Variants in EPAS1 observed in about 807,000 individuals in gnomAD.
The protein encoded by EPAS1 is endothelial PAS domain-containing protein 1.
In EPAS1, 23 loss-of-function variants were observed where a neutral mutation model predicts 87.9. That is an observed-to-expected ratio of 0.26 (90% CI 0.19 to 0.37). EPAS1 has a LOEUF of 0.37. Ranked by LOEUF, EPAS1 falls within the 10% of genes least tolerant of loss-of-function variation. The pLI, the probability that EPAS1 is intolerant of heterozygous loss-of-function variation, is 1.00. For missense variants in EPAS1, 1,138 were observed against 1,120.7 expected (o/e 1.02, Z -0.22); for synonymous variants, 508 against 444.3 (o/e 1.14, Z -1.80).
At chr2:46,374,941 G>A (rs1426667825) in intron 7 of EPAS1, among the ~76,000 whole-genome samples, 1 of 152,108 alleles carries the variant, frequency 6.6e-6, no homozygotes, top group Non-Finnish European at 1.5e-5. Flanking sequence ...GTTGGGAGAA[G>A]GAGTATAAGT....
intron 1 of EPAS1, among the ~76,000 whole-genome samples, chr2:46,324,626 G>A (rs575787276): frequency 3.9e-5 from 6 of 152,214 alleles, no homozygotes; most frequent in Admixed American, 3.9e-4. Flanking sequence ...CTGGGGCAAG[G>A]CTGTGGCAGC....
intron 1 of EPAS1, among the ~76,000 whole-genome samples, chr2:46,329,840 A>AACAC (rs1295977789): frequency 6.6e-6 from 1 of 152,138 alleles, no homozygotes; most frequent in East Asian, 1.9e-4. Flanking sequence ...AGACAAACAA[A>AACAC]ACACACACAC....
Position 46,380,647 on chromosome 2 carries a change from A to C in EPAS1, c.1975A>C (p.Thr659Pro). The C allele has an allele frequency of 3.1e-6, 5 of 1,614,064 alleles. No individual in the cohort carries two copies. The highest frequency in any genetic ancestry group is 4.2e-6 in the Non-Finnish European group (5 of 1,179,990). The change falls in exon 12 of 16, where the codon ACA becomes CCA. Residue 659 changes from threonine (T) to proline (P), a missense_variant. Around this residue, in one of 4 missense-constraint regions of EPAS1, gnomAD observed 502 missense variants for 427.1 expected, o/e 1.18. Coordinates refer to ENST00000263734, the MANE Select transcript of EPAS1 (RefSeq NM_001430.5). This position sits in a 1 kb window ranked among gnomAD's most constrained non-coding sequence, Gnocchi z 4.4. ...PTKWAVGDQR[T>P]EFLGAAPLGP... ...AAAGTGGGCCGTCGGGGATCAGCGC[A>C]CAGAGTTCTTGGGAGCAGCGCCGTT...
At chr2:46,308,460 T>TTGGGG (rs541300033) in intron 1 of EPAS1, among the ~76,000 whole-genome samples, 8 of 109,274 alleles carry the variant, frequency 7.3e-5, no homozygotes, top group African/African-American at 2.5e-4. Flanking sequence ...TGCTTTTTTT[T>TTGGGG]GGGGGGGGGG....
At chr2:46,302,116 C>G (rs919730122) in intron 1 of EPAS1, among the ~76,000 whole-genome samples, 2 of 54,542 alleles carry the variant, frequency 3.7e-5, no homozygotes, top group East Asian at 3.3e-4. Context: ...CCCTCTTTCT[C>G]TCTGTGTGTG....
rs1031310810 is a variant in EPAS1 at position 46,375,991 on chromosome 2, G to A, written c.1034+154G>A. 6.6e-6 allele frequency among the ~76,000 whole-genome samples: 1 copy of A among 152,188 alleles called. No individual in the cohort carries two copies. The highest frequency in any genetic ancestry group is 1.5e-5 in the Non-Finnish European group (1 of 68,022). On this transcript the variant is annotated intron_variant, in intron 8 of 15. Transcript: ENST00000263734. The surrounding 1 kb of genome is among the most constrained non-coding windows in gnomAD (Gnocchi z 4.1). Reference sequence around the variant, plus strand: ...TTGCAGGGCTAACCCTAGTGACTGAGAGGACTTCCTGTGGATGTCTTGGAA... The same window carrying A: ...TTGCAGGGCTAACCCTAGTGACTGAAAGGACTTCCTGTGGATGTCTTGGAA...
chr2:46,381,641 G>T lies in EPAS1; in HGVS notation c.2091G>T (p.Pro697=). The change falls in exon 13 of 16, where the codon CCG becomes CCT. Residue 697 remains proline (P), a synonymous_variant. Coordinates refer to ENST00000263734, the MANE Select transcript of EPAS1 (RefSeq NM_001430.5). ...CTCGAGGCCCAGACGTGCTGAGTCC[G>T]GCCATGGTAGCCCTCTCCAACAAGC... ...FGARGPDVLS[P]AMVALSNKLK... is the part of the protein sequence containing the mutation. The T allele has an allele frequency of 6.2e-7, 1 of 1,614,014 alleles. No homozygotes were observed. The highest frequency in any genetic ancestry group is 1.3e-5 in the African/African-American group (1 of 75,038).
chr2:46,332,503 G>A (rs1007916676), intron 1 of EPAS1, among the ~76,000 whole-genome samples: 11 of 152,096 alleles, frequency 7.2e-5, no homozygotes, highest in African/African-American at 2.2e-4. Context: ...CCCCCTCCTC[G>A]TCTGATGTGT....
rs1867787 is a variant in EPAS1 at position 46,298,252 on chromosome 2, G to C, written c.26+315G>C. On this transcript the variant is annotated intron_variant, in intron 1 of 15. Transcript: ENST00000263734. ...TTGAAAATCTCCCAGCCGCCCCGCA[G>C]CAGATTACCGTGGCCACCGGCGCTT... Among the ~76,000 whole-genome samples, 92,615 of 152,120 alleles carry C rather than the reference G, an allele frequency of 0.61. 28,533 individuals are homozygous for C. Among genetic ancestry groups the C allele is most frequent in the Middle Eastern group, 0.69 (202 of 294 alleles).
At chr2:46,306,735 T>G (rs1241823821) in intron 1 of EPAS1, among the ~76,000 whole-genome samples, 1 of 152,234 alleles carries the variant, frequency 6.6e-6, no homozygotes, top group Non-Finnish European at 1.5e-5. Context: ...TTGTGCCTTT[T>G]GAGGAACTGC....
chr2:46,305,384 G>A (rs550589645), intron 1 of EPAS1, among the ~76,000 whole-genome samples: 5 of 152,160 alleles, frequency 3.3e-5, no homozygotes, highest in Middle Eastern at 3.4e-3. Flanking sequence ...CCACTTGTAC[G>A]TCAGCAAAAC....
At chr2:46,363,631 G>C (rs955814594) in intron 6 of EPAS1, among the ~76,000 whole-genome samples, 2 of 152,216 alleles carry the variant, frequency 1.3e-5, no homozygotes, top group African/African-American at 2.4e-5. Flanking sequence ...GAAAGATGCT[G>C]TGCTGACTTC....
chr2:46,347,070 C>T lies in EPAS1; in HGVS notation c.217+7C>T. The T allele has an allele frequency of 6.2e-7, 1 of 1,614,184 alleles. No individual in the cohort carries two copies. Among genetic ancestry groups the T allele is most frequent in the Non-Finnish European group, 8.5e-7 (1 of 1,180,012 alleles). On this transcript the variant is annotated splice_region_variant and intron_variant, in intron 2 of 15. Transcript: ENST00000263734. The surrounding 1 kb of genome is among the most constrained non-coding windows in gnomAD (Gnocchi z 4.2). ...CACAAGCTCCTCTCCTCAGGTAAGG[C>T]CAGCAGGCTCCCCTAGGCTGGGCAG...
intron 1 of EPAS1, among the ~76,000 whole-genome samples, chr2:46,344,150 T>C (rs1476108158): frequency 2.0e-5 from 3 of 152,266 alleles, no homozygotes; most frequent in East Asian, 1.9e-4. Flanking sequence ...AAGAGTATAA[T>C]GAACTAATAT....
chr2:46,331,223 G>T (rs1291487173), intron 1 of EPAS1, among the ~76,000 whole-genome samples: 1 of 152,186 alleles, frequency 6.6e-6, no homozygotes, highest in East Asian at 1.9e-4. Context: ...CGCTTGGCCT[G>T]GTCTGCTCAG....
chr2:46,357,337 G>A (rs981019024), intron 4 of EPAS1, among the ~76,000 whole-genome samples: 5 of 152,170 alleles, frequency 3.3e-5, no homozygotes, highest in African/African-American at 4.8e-5. Context: ...GCTCACACAC[G>A]TCTGGGACCT....
intron 1 of EPAS1, among the ~76,000 whole-genome samples, chr2:46,317,215 C>G (rs530720724): frequency 3.3e-5 from 5 of 152,206 alleles, no homozygotes; most frequent in Non-Finnish European, 5.9e-5. Context: ...CATCCTCCCA[C>G]AAATTACAAA....
At chr2:46,314,099 A>G (rs1362759934) in intron 1 of EPAS1, among the ~76,000 whole-genome samples, 1 of 152,190 alleles carries the variant, frequency 6.6e-6, no homozygotes, top group East Asian at 1.9e-4. Flanking sequence ...CTACCTGAAC[A>G]GCTCCCAGAC....
chr2:46,349,351 T>C (rs555277560), intron 2 of EPAS1, among the ~76,000 whole-genome samples: 212 of 152,374 alleles, frequency 1.4e-3, no homozygotes, highest in African/African-American at 5.0e-3. Context: ...CTGGACTCCC[T>C]GAGCACATCT....
Sources: allele counts gnomAD v4.1 joint callset (sites outside exome capture counted in the v4.1 genomes callset), GRCh38; gene constraint gnomAD v4.1.1; regional missense constraint gnomAD v4.1.1; non-coding constraint Gnocchi (gnomAD v3.1); transcripts MANE v1.5; gene names NCBI Gene and HGNC (gene_info 2026-07-23, HGNC 2026-07-21).